THADA: variants seen among roughly 807,000 people sequenced by gnomAD.
THADA encodes tRNA (32-2'-O)-methyltransferase regulator THADA.
In THADA, 213 loss-of-function variants were observed where a neutral mutation model predicts 219.8. That is an observed-to-expected ratio of 0.97 (90% CI 0.87 to 1.09). The LOEUF is 1.09. Ranked by LOEUF, THADA falls within the 50% of genes least tolerant of loss-of-function variation. The probability of loss-of-function intolerance (pLI) is 0.00; values close to 1 mark genes in which losing one functional copy is unlikely to be tolerated. For missense variants in THADA, 2,956 were observed against 2,311.3 expected, an observed-to-expected ratio of 1.28 and a Z score of -5.72; for synonymous variants, 1,018 against 828.9, an observed-to-expected ratio of 1.23 and a Z score of -3.92.
At chr2:43,351,455 A>C (rs1049054840) in intron 29 of THADA, among the ~76,000 whole-genome samples, 1 of 152,034 alleles carries the variant, frequency 6.6e-6, no homozygotes, top group East Asian at 1.9e-4. Context: ...GCCCAGCTTA[A>C]ACGTCACCTT....
intron 21 of THADA, among the ~76,000 whole-genome samples, chr2:43,531,427 C>A (rs1693850394): frequency 6.6e-6 from 1 of 152,122 alleles, no homozygotes; most frequent in Non-Finnish European, 1.5e-5. Flanking sequence ...GTAAACCTGG[C>A]TGAGTGACCT....
At chr2:43,346,544 G>C (rs1230296235) in intron 29 of THADA, among the ~76,000 whole-genome samples, 1 of 152,172 alleles carries the variant, frequency 6.6e-6, no homozygotes, top group Non-Finnish European at 1.5e-5. Context: ...TCAGACCCAG[G>C]CCTGTACTGA....
chr2:43,452,928 C>T (rs186969636), intron 26 of THADA, among the ~76,000 whole-genome samples: 2 of 152,176 alleles, frequency 1.3e-5, no homozygotes, highest in African/African-American at 4.8e-5. Context: ...CACCCACCCC[C>T]AAAAAAACAT....
intron 23 of THADA, among the ~76,000 whole-genome samples, chr2:43,506,034 T>G (rs560789002): frequency 1.2e-4 from 18 of 152,322 alleles, no homozygotes; most frequent in African/African-American, 4.3e-4. Flanking sequence ...TGACAACTCC[T>G]TAAGAATCCT....
intron 36 of THADA, among the ~76,000 whole-genome samples, chr2:43,237,592 G>C (rs545010524): frequency 6.6e-6 from 1 of 151,242 alleles, no homozygotes; most frequent in South Asian, 2.1e-4. Context: ...GTAGAGACGG[G>C]GTTTCACCAT....
chr2:43,432,279 T>C (rs1268380802), intron 26 of THADA, among the ~76,000 whole-genome samples: 3 of 152,186 alleles, frequency 2.0e-5, no homozygotes, highest in African/African-American at 7.2e-5. Context: ...CGTGAGCCAC[T>C]GTGCCCAGCA....
chr2:43,336,144 C>A (rs535445223), intron 30 of THADA, among the ~76,000 whole-genome samples: 1 of 152,010 alleles, frequency 6.6e-6, no homozygotes, highest in African/African-American at 2.4e-5. Flanking sequence ...CCTATAGTCT[C>A]AGTTACTTGG....
chr2:43,446,752 G>A (rs928913259), intron 26 of THADA, among the ~76,000 whole-genome samples: 3 of 152,190 alleles, frequency 2.0e-5, no homozygotes, highest in Admixed American at 6.5e-5. Flanking sequence ...TAGACTCTGT[G>A]GAAAAGGTAA....
At chr2:43,542,868 A>T (rs984979236) in intron 20 of THADA, among the ~76,000 whole-genome samples, 5 of 152,022 alleles carry the variant, frequency 3.3e-5, no homozygotes, top group East Asian at 3.9e-4. Context: ...AATTTAATTT[A>T]ATTTTATTAT....
intron 28 of THADA, chr2:43,408,467 C>A (rs1675867121): frequency 6.6e-6 from 1 of 152,196 alleles, no homozygotes; most frequent in Admixed American, 6.5e-5. Context: ...TACATGTCAG[C>A]ACATTGGCAG....
intron 16 of THADA, among the ~76,000 whole-genome samples, chr2:43,556,941 G>T (rs1012526200): frequency 2.6e-5 from 4 of 152,056 alleles, no homozygotes; most frequent in Admixed American, 2.6e-4. Flanking sequence ...AAATTAGCTG[G>T]GTGTAATGGT....
intron 35 of THADA, among the ~76,000 whole-genome samples, chr2:43,283,231 A>T (rs559886551): frequency 2.0e-5 from 3 of 152,348 alleles, no homozygotes; most frequent in African/African-American, 7.2e-5. Context: ...TGGAACTGTG[A>T]GCCAATTAAA....
chr2:43,375,838 C>G (rs1671308163), intron 29 of THADA, among the ~76,000 whole-genome samples: 3 of 152,152 alleles, frequency 2.0e-5, no homozygotes, highest in Admixed American at 2.0e-4. Flanking sequence ...AAAGGAAAAT[C>G]AGCCCAGGGC....
chr2:43,341,215 TAG>T (rs1667029761), intron 30 of THADA, among the ~76,000 whole-genome samples: 2 of 152,156 alleles, frequency 1.3e-5, no homozygotes, highest in East Asian at 1.9e-4. Flanking sequence ...ACTTGGATAA[TAG>T]AGAGTTGACT....
chr2:43,304,734 C>T (rs922590008), intron 31 of THADA, among the ~76,000 whole-genome samples: 1 of 149,098 alleles, frequency 6.7e-6, no homozygotes, highest in Non-Finnish European at 1.5e-5. Flanking sequence ...TGCAGTGGTG[C>T]AATCTCGGCT....
rs752761847 is a variant in THADA at position 43,552,242 on chromosome 2, G to C, written c.2772C>G (p.Val924=). 5 of 1,611,568 alleles carry C rather than the reference G, an allele frequency of 3.1e-6. No homozygotes were observed. In the African/African-American group the frequency reaches 5.3e-5, roughly 17 times the overall value. ...AAAAFPMYGR[V]HCITGALQKL... ...TCTGCAAAGCTCCTGTTATACAGTG[G>C]ACTCGCCCATACATTGGAAATGCTG... is the stretch of plus-strand genomic sequence containing the variant. Residue 924 remains valine, a synonymous_variant, in exon 18 of 38, where the codon GTC becomes GTG. Transcript: ENST00000405975.
chr2:43,394,366 T>C (rs182762208), intron 29 of THADA, among the ~76,000 whole-genome samples: 2 of 152,350 alleles, frequency 1.3e-5, no homozygotes, highest in South Asian at 2.1e-4. Flanking sequence ...ACTATAGAAA[T>C]ACTCTGAGAT....
intron 26 of THADA, among the ~76,000 whole-genome samples, chr2:43,466,559 C>CT (rs1009282884): frequency 2.6e-5 from 4 of 152,138 alleles, no homozygotes; most frequent in African/African-American, 9.7e-5. Context: ...TGGGCAAAGA[C>CT]TTTGACTTAT....
intron 26 of THADA, among the ~76,000 whole-genome samples, chr2:43,463,674 T>C (rs1683896728): frequency 6.6e-6 from 1 of 151,408 alleles, no homozygotes; most frequent in South Asian, 2.1e-4. Context: ...AGAAAACAAA[T>C]GTTACATTTA....
Sources: gnomAD v4.1 joint callset for allele counts (sites outside exome capture counted in the v4.1 genomes callset) on GRCh38, gnomAD v4.1.1 for gene constraint, MANE v1.5 for transcripts, NCBI Gene and HGNC (gene_info 2026-07-23, HGNC 2026-07-21) for gene names.